The following SSH2 variants were observed in gnomAD, a reference collection of about 807,000 sequenced individuals.
SSH2 encodes slingshot protein phosphatase 2, also known as protein phosphatase Slingshot homolog 2.
SSH2 carries 37 observed loss-of-function variants against 135.2 expected under a neutral mutation model. The ratio of observed to expected loss-of-function variants is 0.27; its 90% CI spans 0.21 to 0.36. The LOEUF (loss-of-function observed/expected upper bound fraction) is 0.36. Ranked by LOEUF, SSH2 falls within the 10% of genes least tolerant of loss-of-function variation. SSH2 has a pLI of 1.00. For missense variants in SSH2, 1,408 were observed against 1,765.3 expected (o/e 0.80, Z 3.63); for synonymous variants, 628 against 646.2 (o/e 0.97, Z 0.43).
chr17:29,759,863 T>C (rs2041235466), intron 3 of SSH2, among the ~76,000 whole-genome samples: 1 of 152,220 alleles, frequency 6.6e-6, no homozygotes, highest in African/African-American at 2.4e-5. Context: ...TAAAGTACTG[T>C]TAACACTATT....
At chr17:29,742,516 T>C (rs2447936) in intron 3 of SSH2, among the ~76,000 whole-genome samples, 2 of 144,282 alleles carry the variant, frequency 1.4e-5, no homozygotes, top group Non-Finnish European at 3.0e-5. Flanking sequence ...CAATTTTTTG[T>C]GGAGGTGAGG....
At chr17:29,687,263 T>TAGAGACTC (rs1406307928) in intron 5 of SSH2, among the ~76,000 whole-genome samples, 15 of 152,200 alleles carry the variant, frequency 9.9e-5, no homozygotes, top group African/African-American at 3.6e-4. Flanking sequence ...GGCTATCTTT[T>TAGAGACTC]TGTCTCTATT....
intron 13 of SSH2, among the ~76,000 whole-genome samples, chr17:29,649,810 T>A (rs1473918353): frequency 1.3e-5 from 2 of 152,148 alleles, no homozygotes; most frequent in Non-Finnish European, 2.9e-5. Context: ...TATAAAACAC[T>A]CTTTTAGGTA....
At chr17:29,638,561 CAG>C (rs1461375365) in intron 14 of SSH2, among the ~76,000 whole-genome samples, 163 of 133,058 alleles carry the variant, frequency 1.2e-3, no homozygotes, top group African/African-American at 4.4e-3. Flanking sequence ...CACACACACA[CAG>C]AGACAGGGTA....
rs1033334710 is a variant in SSH2, at chr17:29,716,785, CCAGT to C, written c.189-13727_189-13724del. ...TTGCTGTCCCCATTTTCTTCCCTTG[CCAGT>C]CAATTTTTCTACCCACTGGCATCTT... On this transcript the variant is annotated intron_variant, in intron 3 of 15. Transcript: ENST00000540801. The C allele has an allele frequency of 1.0e-4, 42 of 421,780 alleles. 1 individual carries two copies. The highest frequency in any genetic ancestry group is 7.2e-4 in the African/African-American group (35 of 48,730). The allele number at this position is 421,780 out of a possible 1,614,324, so 26.1% of individuals were successfully genotyped here. A position where few individuals can be genotyped will look rare whatever the true frequency, so the allele number is the denominator to read the frequency against.
chr17:29,725,306 C>T (rs1669115579), intron 3 of SSH2, among the ~76,000 whole-genome samples: 2 of 117,820 alleles, frequency 1.7e-5, no homozygotes, highest in Non-Finnish European at 3.3e-5. Flanking sequence ...AAGATTGCAC[C>T]ACTGCACTCC....
chr17:29,857,085 G>C (rs1247855367), intron 1 of SSH2, among the ~76,000 whole-genome samples: 1 of 151,922 alleles, frequency 6.6e-6, no homozygotes, highest in African/African-American at 2.4e-5. Context: ...CTTCCCAAGA[G>C]TCCCCCAAAG....
intron 3 of SSH2, among the ~76,000 whole-genome samples, chr17:29,788,540 C>A (rs1401697269): frequency 6.6e-6 from 1 of 152,056 alleles, no homozygotes; most frequent in Non-Finnish European, 1.5e-5. Flanking sequence ...TAATGTAAAC[C>A]ATTTACTTAG....
At chr17:29,701,833 A>G (rs117988800) in intron 4 of SSH2, among the ~76,000 whole-genome samples, 4,611 of 151,950 alleles carry the variant, frequency 0.03, 94 homozygotes, top group Middle Eastern at 0.058. Flanking sequence ...GGCGTCCCCA[A>G]ATGCTAGGAT....
chr17:29,683,773 GA>G (rs762331303), intron 6 of SSH2, among the ~76,000 whole-genome samples: 1,247 of 119,710 alleles, frequency 0.01, 8 homozygotes, highest in African/African-American at 0.024. Flanking sequence ...GAAAAATAAG[GA>G]AAAAAAAAAA....
At chr17:29,912,015 T>C (rs1387739328) in intron 1 of SSH2, among the ~76,000 whole-genome samples, 4 of 152,198 alleles carry the variant, frequency 2.6e-5, no homozygotes, top group African/African-American at 4.8e-5. Flanking sequence ...CCAGGCTCTA[T>C]TGCAACTAGA....
intron 4 of SSH2, among the ~76,000 whole-genome samples, chr17:29,701,596 A>G (rs2038984974): frequency 6.6e-6 from 1 of 151,586 alleles, no homozygotes; most frequent in South Asian, 2.1e-4. Flanking sequence ...TTTGAAGTGG[A>G]GTCTTGCTCT....
chr17:29,650,825 T>C, intron 12 of SSH2, 25 bp from the exon 13 acceptor site: 2 of 1,582,058 alleles, frequency 1.3e-6, no homozygotes, highest in Non-Finnish European at 1.7e-6. Context: ...AGGGAGAATA[T>C]GTGCTCTACT....
chr17:29,667,293 AAAG>A, intron 9 of SSH2, 70 bp from the exon 10 acceptor site: 5 of 1,140,996 alleles, frequency 4.4e-6, no homozygotes, highest in East Asian at 2.4e-5. Context: ...AATGGGAAAG[AAAG>A]AAGAATGATC....
At chr17:29,633,400 G>A (rs558370233) in intron 15 of SSH2, among the ~76,000 whole-genome samples, 2 of 152,082 alleles carry the variant, frequency 1.3e-5, no homozygotes, top group Non-Finnish European at 1.5e-5. Context: ...CCTTAGATAT[G>A]TCCCAGTGAT....
At chr17:29,761,142 G>T (rs1437446238) in intron 3 of SSH2, 1 of 1,288,840 alleles carries the variant, frequency 7.8e-7, no homozygotes, top group South Asian at 1.2e-5. Flanking sequence ...GGCGCGCGGC[G>T]GACTCACAGC....
intron 1 of SSH2, among the ~76,000 whole-genome samples, chr17:29,901,624 A>G (rs1210393031): frequency 6.6e-6 from 1 of 152,162 alleles, no homozygotes; most frequent in South Asian, 2.1e-4. Flanking sequence ...CTAAACTGCT[A>G]CAAGAGAGAG....
chr17:29,785,979 T>C (rs1386968296), intron 3 of SSH2, among the ~76,000 whole-genome samples: 2 of 151,840 alleles, frequency 1.3e-5, no homozygotes, highest in Non-Finnish European at 2.9e-5. Flanking sequence ...TAGTTTTTTG[T>C]ATTTTTAGTA....
chr17:29,923,264 A>G (rs1034514108), intron 1 of SSH2, among the ~76,000 whole-genome samples: 7 of 152,122 alleles, frequency 4.6e-5, no homozygotes, highest in Non-Finnish European at 1.0e-4. Context: ...AATCTTAATA[A>G]ATGTTCCAAA....
Sources: allele counts gnomAD v4.1 joint callset (sites outside exome capture counted in the v4.1 genomes callset), GRCh38; gene constraint gnomAD v4.1.1; transcripts MANE v1.5; gene names NCBI Gene and HGNC (gene_info 2026-07-23, HGNC 2026-07-21).